Variants in ANKH observed in about 807,000 individuals in gnomAD.
ANKH encodes mineralization regulator ANKH.
Under a neutral mutation model 49.0 loss-of-function variants are expected in ANKH, and 15 were observed. That is an observed-to-expected ratio of 0.31 (90% confidence interval 0.20 to 0.47). ANKH has a LOEUF of 0.47. Ranked by LOEUF, ANKH falls within the 20% of genes least tolerant of loss-of-function variation. The probability of loss-of-function intolerance (pLI) is 1.00; values close to 1 mark genes in which losing one functional copy is unlikely to be tolerated. For missense variants in ANKH, 429 were observed against 652.0 expected, an observed-to-expected ratio of 0.66 and a Z score of 3.72; for synonymous variants, 273 against 260.0, an observed-to-expected ratio of 1.05 and a Z score of -0.48.
intron 1 of ANKH, chr5:14,797,531 G>A: frequency 1.2e-6 from 2 of 1,611,130 alleles, no homozygotes; most frequent in Non-Finnish European, 1.7e-6. Context: ...CTGATCCTGT[G>A]GCAAGAATGA....
intron 1 of ANKH, among the ~76,000 whole-genome samples, chr5:14,809,180 T>C (rs1469201620): frequency 2.3e-5 from 2 of 87,044 alleles, no homozygotes; most frequent in Non-Finnish European, 2.2e-5. Flanking sequence ...CTCTGGGGAC[T>C]GTGGTGGGGT....
intron 1 of ANKH, among the ~76,000 whole-genome samples, chr5:14,864,424 C>T (rs893535737): frequency 2.0e-5 from 3 of 152,086 alleles, no homozygotes; most frequent in African/African-American, 7.2e-5. Flanking sequence ...AGAAACAACC[C>T]GCTTACCTAA....
In ANKH at chr5:14,713,454, G is replaced by T; in HGVS notation, c.1265+90C>A. On this transcript the variant is annotated intron_variant, in intron 10 of 11. Coordinates refer to ENST00000284268, the MANE Select transcript of ANKH (RefSeq NM_054027.6). This position sits in a 1 kb window ranked among gnomAD's most constrained non-coding sequence, Gnocchi z 4.4. ...ATTTCCGATTCTAGACGTGCCTGGGGATTTCCCCTGAAAATGTAGCTGTTA... is the reference window on the plus strand; with the variant it reads ...ATTTCCGATTCTAGACGTGCCTGGGTATTTCCCCTGAAAATGTAGCTGTTA... 2 of 1,542,870 alleles carry T rather than the reference G, an allele frequency of 1.3e-6. No homozygotes were observed. Among genetic ancestry groups the T allele is most frequent in the South Asian group, 2.3e-5 (2 of 85,932 alleles).
intron 1 of ANKH, among the ~76,000 whole-genome samples, chr5:14,809,515 A>G (rs1208833577): frequency 1.3e-5 from 2 of 152,116 alleles, no homozygotes; most frequent in Non-Finnish European, 2.9e-5. Context: ...TGATCGTGCC[A>G]CTGCACTCCA....
At chr5:14,804,725 CTA>C (rs1740655214) in intron 1 of ANKH, among the ~76,000 whole-genome samples, 1 of 152,186 alleles carries the variant, frequency 6.6e-6, no homozygotes, top group African/African-American at 2.4e-5. Context: ...TGGATACTTT[CTA>C]TGTTTTTTGA....
chr5:14,834,893 G>A (rs191009668), intron 1 of ANKH, among the ~76,000 whole-genome samples: 12 of 152,274 alleles, frequency 7.9e-5, no homozygotes, highest in East Asian at 1.9e-4. Flanking sequence ...TAGAAGATTC[G>A]TGAATTAATA....
intron 1 of ANKH, among the ~76,000 whole-genome samples, chr5:14,849,065 C>G (rs1742053672): frequency 6.6e-6 from 1 of 152,194 alleles, no homozygotes; most frequent in African/African-American, 2.4e-5. Context: ...CCCAGCTAGG[C>G]TTAGGAATTC....
rs1224409857 is a variant in ANKH at position 14,749,317 on chromosome 5, A to G, written c.688-11T>C. 1 of 1,614,234 alleles carries G rather than the reference A, an allele frequency of 6.2e-7. No individual in the cohort carries two copies. Among genetic ancestry groups the G allele is most frequent in the South Asian group, 1.1e-5 (1 of 91,090 alleles). On this transcript the variant is annotated splice_polypyrimidine_tract_variant and intron_variant, in intron 5 of 11. Coordinates refer to ENST00000284268, the MANE Select transcript of ANKH (RefSeq NM_054027.6). ...TATTGTTGCATCTCCCTGTGTTAAG[A>G]AACGAAGATAAAAGTTACCTGAACT...
At chr5:14,763,744 C>A (rs1168937304) in intron 2 of ANKH, among the ~76,000 whole-genome samples, 1 of 152,228 alleles carries the variant, frequency 6.6e-6, no homozygotes, top group South Asian at 2.1e-4. Flanking sequence ...TTCTCAGGAT[C>A]TAGCCCAGTG....
At chr5:14,755,971 G>A in intron 3 of ANKH, 27 bp from the exon 4 acceptor site, 1 of 1,580,086 alleles carries the variant, frequency 6.3e-7, no homozygotes. Flanking sequence ...AATTTGGCAT[G>A]AGATACACCT....
chr5:14,837,362 A>G (rs115269316), intron 1 of ANKH, among the ~76,000 whole-genome samples: 31,710 of 151,980 alleles, frequency 0.21, 4,058 homozygotes, highest in Admixed American at 0.29. Context: ...GAAAATTTTT[A>G]TAATCTACCC....
At position 14,768,976 on chromosome 5, in the gene ANKH, T is replaced by A; in HGVS notation, c.312A>T (p.Ile104=). 6.2e-7 allele frequency: 1 copy of A among 1,614,198 alleles called. No individual in the cohort carries two copies. Among genetic ancestry groups the A allele is most frequent in the Non-Finnish European group, 8.5e-7 (1 of 1,180,016 alleles). Reference sequence around the variant, plus strand: ...GTCAGTGGCGGTCGGCGGCCTCACCTATCAGTGTGTGAAAGACGGCAGCGA... The same window carrying A: ...GTCAGTGGCGGTCGGCGGCCTCACCAATCAGTGTGTGAAAGACGGCAGCGA... ...GAIAAVFHTL[I]AYSDLGYYII... The change falls in exon 2 of 12, where the codon ATA becomes ATT. Residue 104 remains isoleucine (I), a splice_region_variant and synonymous_variant. Coordinates refer to ENST00000284268, the MANE Select transcript of ANKH (RefSeq NM_054027.6).
At chr5:14,865,444 A>G (rs1735617848) in intron 1 of ANKH, among the ~76,000 whole-genome samples, 1 of 152,196 alleles carries the variant, frequency 6.6e-6, no homozygotes, top group South Asian at 2.1e-4. Flanking sequence ...AATTATTTTG[A>G]AATTTATTCT....
chr5:14,812,002 A>G (rs567818472), intron 1 of ANKH, among the ~76,000 whole-genome samples: 1 of 152,094 alleles, frequency 6.6e-6, no homozygotes, highest in South Asian at 2.1e-4. Context: ...TCCTACTTCA[A>G]TTCATGGTAC....
Position 14,713,775 on chromosome 5 carries a change from C to T in ANKH, c.1142-108G>A. 8 of 1,523,770 alleles carry T rather than the reference C, an allele frequency of 5.3e-6. No individual in the cohort carries two copies. The highest frequency in any genetic ancestry group is 7.2e-6 in the Non-Finnish European group (8 of 1,106,858). The allele number at this position is 1,523,770 out of a possible 1,614,324, so 94.4% of individuals were successfully genotyped here. On this transcript the variant is annotated intron_variant, in intron 9 of 11. Transcript: ENST00000284268. The surrounding 1 kb of genome is among the most constrained non-coding windows in gnomAD (Gnocchi z 4.4). Reference sequence around the variant, plus strand: ...CGAGAGCCAGGGGCTGCCTAGGACCCTGGCCTTGCTGTTGAGCCGCTGGCC... The same window carrying T: ...CGAGAGCCAGGGGCTGCCTAGGACCTTGGCCTTGCTGTTGAGCCGCTGGCC...
chr5:14,845,785 A>C (rs1047941515), intron 1 of ANKH, among the ~76,000 whole-genome samples: 7 of 151,752 alleles, frequency 4.6e-5, no homozygotes, highest in Non-Finnish European at 7.4e-5. Context: ...CTATGAGCCA[A>C]AGGTAACAGA....
rs73749693 is a variant in ANKH, at chr5:14,748,383, C to T, written c.822+789G>A. Reference sequence around the variant, plus strand: ...CATGCTGACAGCGCAGTAAGGGCTCCGGGCCGCTCCCCTCAAGGCAGTGCC... The same window carrying T: ...CATGCTGACAGCGCAGTAAGGGCTCTGGGCCGCTCCCCTCAAGGCAGTGCC... On this transcript the variant is annotated intron_variant, in intron 6 of 11. Transcript: ENST00000284268. Among the ~76,000 whole-genome samples, 1,036 of 152,344 alleles carry T rather than the reference C, an allele frequency of 6.8e-3. 13 individuals are homozygous for T. The highest frequency in any genetic ancestry group is 0.024 in the African/African-American group (982 of 41,566).
rs555195782 is a variant in ANKH at position 14,709,489 on chromosome 5, A to G, written c.*1708T>C. The G allele has an allele frequency of 8.4e-4, 128 of 152,254 alleles. No homozygotes were observed. The highest frequency in any genetic ancestry group is 3.0e-3 in the African/African-American group (124 of 41,550). The allele number at this position is 152,254 out of a possible 1,614,324, so 9.4% of individuals were successfully genotyped here. On this transcript the variant is annotated 3_prime_UTR_variant, in exon 12 of 12. Transcript: ENST00000284268. ...CTGGGTACCCAGGAATGTGAATGCAACCCTGGCATGTTCACAGCTAACATT... is the reference window on the plus strand; with the variant it reads ...CTGGGTACCCAGGAATGTGAATGCAGCCCTGGCATGTTCACAGCTAACATT...
Position 14,745,819 on chromosome 5 carries a change from A to G in ANKH, c.915+51T>C. The G allele has an allele frequency of 6.5e-7, 1 of 1,532,108 alleles. No homozygotes were observed. Among genetic ancestry groups the G allele is most frequent in the Non-Finnish European group, 9.0e-7 (1 of 1,105,546 alleles). 94.9% of individuals were successfully genotyped at this position (1,532,108 alleles called of 1,614,324 possible). On this transcript the variant is annotated intron_variant, in intron 7 of 11. Transcript: ENST00000284268. This position sits in a 1 kb window ranked among gnomAD's most constrained non-coding sequence, Gnocchi z 4.7. ...CCTCATCAGAGAGCCCTGTCTATCAAGAAGTCATTTCAAAAGCATGTTTCA... is the reference window on the plus strand; with the variant it reads ...CCTCATCAGAGAGCCCTGTCTATCAGGAAGTCATTTCAAAAGCATGTTTCA...
Sources: allele counts gnomAD v4.1 joint callset (sites outside exome capture counted in the v4.1 genomes callset), GRCh38; gene constraint gnomAD v4.1.1; non-coding constraint Gnocchi (gnomAD v3.1); transcripts MANE v1.5; gene names NCBI Gene and HGNC (gene_info 2026-07-23, HGNC 2026-07-21).